Variants in LRRIQ3 observed in about 807,000 individuals in gnomAD.
LRRIQ3 encodes the protein leucine rich repeats and IQ motif containing 3, also known as leucine-rich repeat and IQ domain-containing protein 3.
LRRIQ3 carries 75 observed loss-of-function variants against 59.3 expected under a neutral mutation model. That is an observed-to-expected ratio of 1.26 (90% CI 1.05 to 1.53). LRRIQ3 has a LOEUF of 1.53. Among genes scored for constraint, LRRIQ3 ranks in the 40% most tolerant of loss-of-function variants. LRRIQ3 has a pLI of 0.00. For missense variants in LRRIQ3, 831 were observed against 710.0 expected, an observed-to-expected ratio of 1.17 and a Z score of -1.94; for synonymous variants, 250 against 231.3, an observed-to-expected ratio of 1.08 and a Z score of -0.73.
At chr1:74,158,813 C>A (rs1222284488) in intron 3 of LRRIQ3, among the ~76,000 whole-genome samples, 5 of 152,088 alleles carry the variant, frequency 3.3e-5, no homozygotes, top group Non-Finnish European at 7.4e-5. Context: ...ACAGACCTTA[C>A]AAATTCCCAT....
intron 5 of LRRIQ3, among the ~76,000 whole-genome samples, chr1:74,102,269 A>G (rs1570116078): frequency 1.3e-5 from 2 of 152,024 alleles, no homozygotes; most frequent in South Asian, 4.1e-4. Context: ...ATAAAGGTAT[A>G]ATGTTGAATG....
intron 6 of LRRIQ3, among the ~76,000 whole-genome samples, chr1:74,057,510 T>G (rs189558361): frequency 6.6e-6 from 1 of 152,240 alleles, no homozygotes; most frequent in East Asian, 1.9e-4. Flanking sequence ...ACAGTCTTTT[T>G]AATAAATGGT....
intron 4 of LRRIQ3, among the ~76,000 whole-genome samples, chr1:74,112,489 G>A (rs1342811457): frequency 6.6e-6 from 1 of 152,092 alleles, no homozygotes; most frequent in Non-Finnish European, 1.5e-5. Context: ...TGGCCTCAAA[G>A]ATTACCCTGG....
intron 3 of LRRIQ3, chr1:74,180,624 C>T: frequency 1.7e-6 from 2 of 1,195,630 alleles, no homozygotes; most frequent in Non-Finnish European, 2.3e-6. Flanking sequence ...CCTCTTTCCA[C>T]ACTCAGTGTG....
chr1:74,040,244 T>G (rs1654002330), intron 7 of LRRIQ3, among the ~76,000 whole-genome samples: 1 of 152,082 alleles, frequency 6.6e-6, no homozygotes, highest in Non-Finnish European at 1.5e-5. Context: ...GAGCTAACTA[T>G]CCTAAATATA....
intron 4 of LRRIQ3, among the ~76,000 whole-genome samples, chr1:74,129,750 G>T (rs1646985633): frequency 6.6e-6 from 1 of 151,976 alleles, no homozygotes; most frequent in Non-Finnish European, 1.5e-5. Flanking sequence ...AGTACTGCCT[G>T]GGTACCACTG....
chr1:74,085,296 C>A (rs868191292), intron 5 of LRRIQ3, among the ~76,000 whole-genome samples: 1 of 143,640 alleles, frequency 7.0e-6, no homozygotes. Flanking sequence ...ATCCTATGTG[C>A]GTATCACTAT....
chr1:74,075,387 C>A (rs895327330), intron 5 of LRRIQ3, among the ~76,000 whole-genome samples: 1 of 151,632 alleles, frequency 6.6e-6, no homozygotes, highest in Non-Finnish European at 1.5e-5. Context: ...GCCAACATGG[C>A]GAAACCCTGT....
At position 74,100,162 on chromosome 1, in the gene LRRIQ3, C is replaced by A. The variant is rs550174906; in HGVS notation, c.867+9232G>T. ...TGACTGTATATCTAGAAAACCCCAT[C>A]GTCTCAGCCCCAAATCTCCTTAAGC... is the stretch of plus-strand genomic sequence containing the variant. On this transcript the variant is annotated intron_variant, in intron 5 of 7. Transcript: ENST00000354431. Among the ~76,000 whole-genome samples, 117 of 152,230 alleles carry A rather than the reference C, an allele frequency of 7.7e-4. 1 individual carries two copies. Among genetic ancestry groups the A allele is most frequent in the African/African-American group, 2.1e-3 (86 of 41,560 alleles).
At chr1:74,101,440 A>T (rs576061921) in intron 5 of LRRIQ3, among the ~76,000 whole-genome samples, 13 of 152,252 alleles carry the variant, frequency 8.5e-5, no homozygotes, top group African/African-American at 3.1e-4. Flanking sequence ...GAGAAATAGG[A>T]ACACTTTTTA....
At chr1:74,110,063 A>C (rs1043776539) in intron 4 of LRRIQ3, among the ~76,000 whole-genome samples, 1 of 151,894 alleles carries the variant, frequency 6.6e-6, no homozygotes, top group African/African-American at 2.4e-5. Flanking sequence ...CACTAAAAAA[A>C]AAGTTTAAAA....
chr1:74,087,026 C>T (rs1054443014), intron 5 of LRRIQ3, among the ~76,000 whole-genome samples: 1 of 152,042 alleles, frequency 6.6e-6, no homozygotes, highest in Admixed American at 6.6e-5. Context: ...GCAATCCTAA[C>T]ATTTGGTTGC....
intron 6 of LRRIQ3, among the ~76,000 whole-genome samples, chr1:74,063,622 C>T (rs541608735): frequency 6.6e-6 from 1 of 152,132 alleles, no homozygotes; most frequent in African/African-American, 2.4e-5. Context: ...AGTGTTGACT[C>T]TTTCATTATT....
intron 3 of LRRIQ3, among the ~76,000 whole-genome samples, chr1:74,162,065 T>A (rs2100681292): frequency 6.6e-6 from 1 of 152,042 alleles, no homozygotes; most frequent in South Asian, 2.1e-4. Flanking sequence ...TATCATGTTT[T>A]CATCATTTGT....
At chr1:74,076,928 C>A (rs1050538328) in intron 5 of LRRIQ3, among the ~76,000 whole-genome samples, 4 of 152,074 alleles carry the variant, frequency 2.6e-5, no homozygotes. Context: ...CAAATAAGTA[C>A]TTTTAAGCTC....
chr1:74,150,231 G>T (rs1647843823), intron 4 of LRRIQ3, among the ~76,000 whole-genome samples: 1 of 152,082 alleles, frequency 6.6e-6, no homozygotes, highest in Admixed American at 6.5e-5. Context: ...TTAGAGGAAG[G>T]TTGGATCCTT....
intron 3 of LRRIQ3, 145 bp downstream of exon 3, chr1:74,182,393 T>C (rs535889952): frequency 1.2e-5 from 5 of 431,106 alleles, no homozygotes; most frequent in Admixed American, 4.2e-5. Flanking sequence ...AGAAAGACAT[T>C]ACAAATATAT....
intron 6 of LRRIQ3, among the ~76,000 whole-genome samples, chr1:74,051,895 A>T (rs999210618): frequency 6.6e-6 from 1 of 152,174 alleles, no homozygotes; most frequent in Non-Finnish European, 1.5e-5. Context: ...TTTAGGTAGA[A>T]CAAAATATTT....
At chr1:74,031,364 G>A (rs1389446010) in intron 7 of LRRIQ3, among the ~76,000 whole-genome samples, 1 of 152,024 alleles carries the variant, frequency 6.6e-6, no homozygotes, top group Non-Finnish European at 1.5e-5. Flanking sequence ...AACTAACCCA[G>A]ATGTCCAACA....
Sources: gnomAD v4.1 joint callset for allele counts (sites outside exome capture counted in the v4.1 genomes callset) on GRCh38, gnomAD v4.1.1 for gene constraint, MANE v1.5 for transcripts, NCBI Gene and HGNC (gene_info 2026-07-23, HGNC 2026-07-21) for gene names.